GMPS: variants seen among roughly 807,000 people sequenced by gnomAD.
GMPS encodes the protein GMP synthase [glutamine-hydrolyzing].
Under a neutral mutation model 77.9 loss-of-function variants are expected in GMPS, and 15 were observed. The observed-to-expected ratio is 0.19, with a 90% CI of 0.13 to 0.30. The LOEUF is 0.30. Among genes scored for constraint, GMPS ranks in the 10% least tolerant of loss-of-function variants. The pLI is 1.00. For missense variants in GMPS, 590 were observed against 838.8 expected (o/e 0.70, Z 3.66); for synonymous variants, 224 against 275.9 (o/e 0.81, Z 1.86).
chr3:155,880,982 G>A (rs1334336638), intron 1 of GMPS, among the ~76,000 whole-genome samples: 1 of 151,790 alleles, frequency 6.6e-6, no homozygotes, highest in Non-Finnish European at 1.5e-5. Context: ...CAAAGTCACC[G>A]AGAGATGACC....
At chr3:155,915,948 C>A in intron 8 of GMPS, 71 bp from the exon 9 acceptor site, 1 of 960,384 alleles carries the variant, frequency 1.0e-6, no homozygotes, top group Non-Finnish European at 1.6e-6. Flanking sequence ...AGAGATTTAG[C>A]TGAAAGTATA....
intron 12 of GMPS, among the ~76,000 whole-genome samples, chr3:155,928,067 C>T (rs1201588462): frequency 8.1e-6 from 1 of 124,040 alleles, no homozygotes; most frequent in Non-Finnish European, 1.6e-5. Flanking sequence ...TGCTCTGTCA[C>T]CCAGGCTGGA....
In GMPS at chr3:155,934,925, T is replaced by C. The variant is rs1755723389; in HGVS notation, c.1686T>C (p.Tyr562=). Residue 562 remains tyrosine, a synonymous_variant, in exon 14 of 16, where the codon TAT becomes TAC. Transcript: ENST00000496455. The part of the protein sequence containing the change: ...RMCHNVNRVV[Y]IFGPPVKEPP... ...ACCTCTTTGTTTCCAGAGTTGTTTA[T>C]ATATTTGGCCCACCAGTTAAAGAAC... The C allele has an allele frequency of 3.8e-6, 6 of 1,573,162 alleles. No individual in the cohort carries two copies. Among genetic ancestry groups the C allele is most frequent in the East Asian group, 2.2e-5 (1 of 44,700 alleles).
At chr3:155,881,855 C>T (rs1754214089) in intron 1 of GMPS, among the ~76,000 whole-genome samples, 1 of 152,084 alleles carries the variant, frequency 6.6e-6, no homozygotes, top group African/African-American at 2.4e-5. Flanking sequence ...CACTTGAGCT[C>T]AGGAGTTTAG....
intron 1 of GMPS, among the ~76,000 whole-genome samples, chr3:155,891,335 A>G (rs1577506404): frequency 6.6e-6 from 1 of 152,358 alleles, no homozygotes; most frequent in East Asian, 1.9e-4. Flanking sequence ...TTATGCAATA[A>G]TGTAGTGTTT....
intron 4 of GMPS, among the ~76,000 whole-genome samples, chr3:155,904,554 G>T (rs1464024283): frequency 6.6e-6 from 1 of 152,144 alleles, no homozygotes; most frequent in Non-Finnish European, 1.5e-5. Context: ...CTCCCAAAGT[G>T]CTGGGATTAC....
rs945707288 is a variant in GMPS at position 155,876,419 on chromosome 3, G to A, written c.27+5522G>A. On this transcript the variant is annotated intron_variant, in intron 1 of 15. Coordinates refer to ENST00000496455, the MANE Select transcript of GMPS (RefSeq NM_003875.3). ...CCAGTATTTGGCATTCAGACTGAAC[G>A]AGAAGTTAAAAATGAGAACTGTTTA... 5.9e-5 allele frequency among the ~76,000 whole-genome samples: 9 copies of A among 152,326 alleles called. No individual in the cohort carries two copies. In the East Asian group the frequency reaches 1.3e-3, roughly 23 times the overall value.
intron 3 of GMPS, among the ~76,000 whole-genome samples, chr3:155,901,499 T>A (rs942273213): frequency 1.3e-5 from 2 of 152,126 alleles, no homozygotes; most frequent in South Asian, 4.1e-4. Flanking sequence ...TACACAAAAT[T>A]TTCTCTAGGG....
chr3:155,885,254 TAAAC>T (rs750969373), intron 1 of GMPS, among the ~76,000 whole-genome samples: 3 of 152,324 alleles, frequency 2.0e-5, no homozygotes, highest in East Asian at 1.9e-4. Context: ...ATTGAAAACT[TAAAC>T]ATAGTAATTT....
In GMPS at chr3:155,941,962, C is replaced by A. The variant is rs1755901468; in HGVS notation, c.*4270C>A. 2 of 211,276 alleles carry A rather than the reference C, an allele frequency of 9.5e-6. No individual in the cohort carries two copies. Among genetic ancestry groups the A allele is most frequent in the South Asian group, 3.7e-4 (2 of 5,374 alleles). 13.1% of individuals were successfully genotyped at this position (211,276 alleles called of 1,614,324 possible). ...GCCTCAGTGTCTCACTGAACTCTAA[C>A]CTTTTTGTCAGTGTTCCTCAACACT... On this transcript the variant is annotated 3_prime_UTR_variant, in exon 16 of 16. Coordinates refer to ENST00000496455, the MANE Select transcript of GMPS (RefSeq NM_003875.3).
chr3:155,896,262 G>A (rs1284696189), intron 2 of GMPS, among the ~76,000 whole-genome samples: 2 of 152,072 alleles, frequency 1.3e-5, no homozygotes, highest in Non-Finnish European at 2.9e-5. Context: ...ACGCACCTCG[G>A]CCTCCCAAAG....
chr3:155,909,422 T>C (rs570792564), intron 5 of GMPS, among the ~76,000 whole-genome samples: 374 of 152,282 alleles, frequency 2.5e-3, no homozygotes, highest in Non-Finnish European at 4.8e-3. Flanking sequence ...AGAACCAAAA[T>C]TGAATTATCA....
Position 155,938,140 on chromosome 3 carries a change from T to C in GMPS, c.*448T>C. 1 of 225,468 alleles carries C rather than the reference T, an allele frequency of 4.4e-6. No homozygotes were observed. Among genetic ancestry groups the C allele is most frequent in the Non-Finnish European group, 8.8e-6 (1 of 113,288 alleles). 14.0% of individuals were successfully genotyped at this position (225,468 alleles called of 1,614,324 possible). A position where few individuals can be genotyped will look rare whatever the true frequency, so the allele number is the denominator to read the frequency against. ...TCAGTTTTCTTATAAGTAATCTTATTTCTCCAAAGGGTGAAAAAGAGATGA... is the reference window on the plus strand; with the variant it reads ...TCAGTTTTCTTATAAGTAATCTTATCTCTCCAAAGGGTGAAAAAGAGATGA... On this transcript the variant is annotated 3_prime_UTR_variant, in exon 16 of 16. Coordinates refer to ENST00000496455, the MANE Select transcript of GMPS (RefSeq NM_003875.3).
chr3:155,925,138 C>A (rs1245720518), intron 11 of GMPS, 103 bp from the exon 12 acceptor site: 2 of 979,650 alleles, frequency 2.0e-6, no homozygotes, highest in Non-Finnish European at 3.0e-6. Flanking sequence ...CAAATACAAT[C>A]CACTGCTAAA....
At chr3:155,886,519 A>G (rs1363149217) in intron 1 of GMPS, among the ~76,000 whole-genome samples, 1 of 141,892 alleles carries the variant, frequency 7.0e-6, no homozygotes, top group Non-Finnish European at 1.5e-5. Context: ...CAGTGAGCTG[A>G]GATCGCGCCA....
chr3:155,901,395 C>CA (rs1323578862), intron 3 of GMPS, among the ~76,000 whole-genome samples: 2 of 152,078 alleles, frequency 1.3e-5, no homozygotes, highest in African/African-American at 2.4e-5. Flanking sequence ...GTTACTTTTA[C>CA]ATTCCAGTGT....
chr3:155,929,955 A>T (rs1418586582), intron 12 of GMPS, among the ~76,000 whole-genome samples: 1 of 146,638 alleles, frequency 6.8e-6, no homozygotes, highest in African/African-American at 2.5e-5. Context: ...TAATTTACAG[A>T]TTCAGTGCCA....
At chr3:155,916,858 T>C (rs1400461957) in intron 9 of GMPS, among the ~76,000 whole-genome samples, 1 of 152,230 alleles carries the variant, frequency 6.6e-6, no homozygotes, top group Non-Finnish European at 1.5e-5. Context: ...TGATACAATT[T>C]TACATTCGCA....
chr3:155,904,369 A>G (rs1407908433), intron 4 of GMPS, among the ~76,000 whole-genome samples: 1 of 151,030 alleles, frequency 6.6e-6, no homozygotes, highest in African/African-American at 2.4e-5. Context: ...AGCTCACTGC[A>G]ACGTCCGCCT....
Sources: gnomAD v4.1 joint callset for allele counts (sites outside exome capture counted in the v4.1 genomes callset) on GRCh38, gnomAD v4.1.1 for gene constraint, MANE v1.5 for transcripts, NCBI Gene and HGNC (gene_info 2026-07-23, HGNC 2026-07-21) for gene names.